The following RNF125 variants were observed in gnomAD, a reference collection of about 807,000 sequenced individuals.
The protein encoded by RNF125 is ring finger protein 125, also known as E3 ubiquitin-protein ligase RNF125.
Under a neutral mutation model 26.0 loss-of-function variants are expected in RNF125, and 21 were observed. The ratio of observed to expected loss-of-function variants is 0.81; its 90% confidence interval spans 0.57 to 1.16. The LOEUF (loss-of-function observed/expected upper bound fraction) is 1.16, where lower values mean the gene tolerates loss of function less well. Among genes scored for constraint, RNF125 ranks in the 50% most tolerant of loss-of-function variants. RNF125 has a pLI of 0.00. For synonymous variants in RNF125, 95 were observed against 109.2 expected (o/e 0.87, Z 0.81); for missense variants, 270 against 299.4 (o/e 0.90, Z 0.72).
At chr18:32,027,942 T>C (rs566670355) in intron 1 of RNF125, among the ~76,000 whole-genome samples, 29 of 151,750 alleles carry the variant, frequency 1.9e-4, no homozygotes, top group African/African-American at 5.8e-4. Flanking sequence ...AAAAAAAACA[T>C]AAGGGGCAAA....
At chr18:32,048,436 ACAAAAAAACC>A (rs1433925436) in intron 4 of RNF125, among the ~76,000 whole-genome samples, 1 of 126,554 alleles carries the variant, frequency 7.9e-6, no homozygotes, top group East Asian at 2.3e-4. Flanking sequence ...CAAAAAACAA[ACAAAAAAACC>A]CAAAAAAACC....
At chr18:32,050,187 T>C (rs545369824) in intron 4 of RNF125, among the ~76,000 whole-genome samples, 10 of 152,258 alleles carry the variant, frequency 6.6e-5, no homozygotes, top group African/African-American at 2.4e-4. Flanking sequence ...AAGATAACCA[T>C]CTTTTCTTTC....
downstream of RNF125, among the ~76,000 whole-genome samples, chr18:32,074,243 C>T (rs2039554677): frequency 6.6e-6 from 1 of 152,194 alleles, no homozygotes; most frequent in Non-Finnish European, 1.5e-5. Context: ...TCGCAACAGG[C>T]TGCTGAGTTG....
the RNF125 span, among the ~76,000 whole-genome samples, chr18:32,089,004 A>G: frequency 6.6e-6 from 1 of 152,150 alleles, no homozygotes; most frequent in Admixed American, 6.5e-5. Flanking sequence ...ACCACAAAGG[A>G]TGTCATAGAC....
intron 4 of RNF125, among the ~76,000 whole-genome samples, chr18:32,046,236 A>G (rs77394205): frequency 2.7e-3 from 312 of 116,362 alleles, no homozygotes; most frequent in Admixed American, 3.3e-3. Context: ...AAAAAAAAAA[A>G]AGAGAAAGAG....
At chr18:32,056,674 CAAT>C (rs2039388005) in intron 4 of RNF125, among the ~76,000 whole-genome samples, 1 of 131,236 alleles carries the variant, frequency 7.6e-6, no homozygotes, top group Admixed American at 7.5e-5. Flanking sequence ...TAACATTAAA[CAAT>C]AAAAAAGAGC....
chr18:32,076,211 C>G, downstream of RNF125: 4 of 477,058 alleles, frequency 8.4e-6, no homozygotes, highest in South Asian at 7.8e-5. Flanking sequence ...CTGGTGTTTG[C>G]CTCTCTTTTT....
At chr18:32,058,499 C>T (rs1470150541) in intron 4 of RNF125, among the ~76,000 whole-genome samples, 1 of 151,966 alleles carries the variant, frequency 6.6e-6, no homozygotes, top group Non-Finnish European at 1.5e-5. Flanking sequence ...GCTCATGTGA[C>T]CACACCCAGC....
chr18:32,065,357 C>A (rs1398314023), intron 4 of RNF125, among the ~76,000 whole-genome samples: 1 of 152,090 alleles, frequency 6.6e-6, no homozygotes, highest in Non-Finnish European at 1.5e-5. Flanking sequence ...CCTGCCTCAG[C>A]CTCCTGAGTG....
chr18:32,042,009 G>A, intron 2 of RNF125, 170 bp from the exon 3 acceptor site: 1 of 599,934 alleles, frequency 1.7e-6, no homozygotes, highest in Non-Finnish European at 2.9e-6. Flanking sequence ...AAAAATAGTA[G>A]TATTCTTGAT....
rs1185435396 is a variant in RNF125, at chr18:32,068,517, T to C, written c.*133T>C. On this transcript the variant is annotated 3_prime_UTR_variant, in exon 6 of 6. Coordinates refer to ENST00000217740, the MANE Select transcript of RNF125 (RefSeq NM_017831.4). ...ACAGTTATGTGTTTGTCCATGTTTA[T>C]TGTTATAGTGCATTTAAAAACTGCT... The C allele has an allele frequency of 6.6e-6, 4 of 602,510 alleles. No individual in the cohort carries two copies. The highest frequency in any genetic ancestry group is 1.2e-5 in the Non-Finnish European group (4 of 333,530). The allele number at this position is 602,510 out of a possible 1,614,324, so 37.3% of individuals were successfully genotyped here.
intron 4 of RNF125, among the ~76,000 whole-genome samples, chr18:32,058,005 G>A (rs2039401594): frequency 6.6e-6 from 1 of 151,974 alleles, no homozygotes; most frequent in Non-Finnish European, 1.5e-5. Flanking sequence ...CGTGGCTTAT[G>A]CCAGTAGTCC....
the RNF125 span, among the ~76,000 whole-genome samples, chr18:32,079,280 C>T: frequency 1.3e-5 from 2 of 152,152 alleles, no homozygotes; most frequent in African/African-American, 4.8e-5. Context: ...GATTAATCTC[C>T]TCTGAGGGTT....
intron 1 of RNF125, among the ~76,000 whole-genome samples, chr18:32,032,554 A>G (rs906422214): frequency 6.6e-6 from 1 of 151,882 alleles, no homozygotes; most frequent in African/African-American, 2.4e-5. Context: ...CCCAAGCCAA[A>G]CTTTATCCAG....
intron 3 of RNF125, among the ~76,000 whole-genome samples, chr18:32,043,992 G>GT (rs1323904777): frequency 1.1e-3 from 169 of 147,476 alleles, no homozygotes; most frequent in Admixed American, 1.8e-3. Flanking sequence ...AATATAATGG[G>GT]TTTTTTTTTT....
At chr18:32,039,501 T>G (rs57545677) in intron 2 of RNF125, among the ~76,000 whole-genome samples, 9,000 of 152,238 alleles carry the variant, frequency 0.059, 902 homozygotes, top group African/African-American at 0.2. Context: ...CTGATGATTG[T>G]CTTTTAACAC....
chr18:32,082,901 C>A, the RNF125 span, among the ~76,000 whole-genome samples: 1 of 152,202 alleles, frequency 6.6e-6, no homozygotes, highest in African/African-American at 2.4e-5. Context: ...TACCCATCCT[C>A]TCTCCCCAAA....
rs2039547522 is a variant in RNF125 at position 32,073,135 on chromosome 18, T to C, written c.*4751T>C. On this transcript the variant is annotated 3_prime_UTR_variant, in exon 6 of 6. Transcript: ENST00000217740. ...AAAATGTGTGATTCTTTTTCTTCTG[T>C]AAGTATGTATTGCTATGATAAATAA... The C allele has an allele frequency of 1.3e-5, 2 of 152,240 alleles. No individual in the cohort carries two copies. Among genetic ancestry groups the C allele is most frequent in the African/African-American group, 4.8e-5 (2 of 41,466 alleles). 9.4% of individuals were successfully genotyped at this position (152,240 alleles called of 1,614,324 possible).
chr18:32,038,757 C>T (rs1405800882), intron 2 of RNF125, among the ~76,000 whole-genome samples: 1 of 151,940 alleles, frequency 6.6e-6, no homozygotes, highest in Non-Finnish European at 1.5e-5. Context: ...CAAGATCGGG[C>T]TTATATCTTT....
Sources: allele counts gnomAD v4.1 joint callset (sites outside exome capture counted in the v4.1 genomes callset), GRCh38; gene constraint gnomAD v4.1.1; transcripts MANE v1.5; gene names NCBI Gene and HGNC (gene_info 2026-07-23, HGNC 2026-07-21).